Variants in ATAD2 observed in about 807,000 individuals in gnomAD.
ATAD2 encodes the protein ATPase family AAA domain containing 2, also known as ATPase family AAA domain-containing protein 2.
A neutral mutation model predicts 168.9 loss-of-function variants in ATAD2; 62 were observed. The observed-to-expected ratio is 0.37, with a 90% confidence interval of 0.30 to 0.45. ATAD2 has a LOEUF of 0.45. Among genes scored for constraint, ATAD2 ranks in the 20% least tolerant of loss-of-function variants. The pLI, the probability that ATAD2 is intolerant of heterozygous loss-of-function variation, is 1.00. For missense variants in ATAD2, 1,419 were observed against 1,667.8 expected, an observed-to-expected ratio of 0.85 and a Z score of 2.60; for synonymous variants, 613 against 571.6, an observed-to-expected ratio of 1.07 and a Z score of -1.03.
intron 19 of ATAD2, among the ~76,000 whole-genome samples, chr8:123,344,344 CTTT>C (rs764379399): frequency 1.6e-5 from 2 of 125,854 alleles, no homozygotes. Flanking sequence ...TTTTTAAATA[CTTT>C]TTTTTTTTTT....
At chr8:123,349,540 A>C in intron 13 of ATAD2, 96 bp from the exon 14 acceptor site, 1 of 1,208,234 alleles carries the variant, frequency 8.3e-7, no homozygotes, top group East Asian at 2.7e-5. Flanking sequence ...AACGCATTAC[A>C]TGTGAATAAA....
At position 123,323,013 on chromosome 8, in the gene ATAD2, C is replaced by A; in HGVS notation, c.4056G>T (p.Leu1352Phe). 3 of 1,612,404 alleles carry A rather than the reference C, an allele frequency of 1.9e-6. No individual in the cohort carries two copies. Among genetic ancestry groups the A allele is most frequent in the Non-Finnish European group, 2.5e-6 (3 of 1,178,634 alleles). ...KKSQNYNIFQ[L>F]ENLYAVISQC... Reference sequence around the variant, plus strand: ...GGCTGATTACTGCATACAAATTTTCCAACTGAAATATGTTGTAGTTTTGAC... The same window carrying A: ...GGCTGATTACTGCATACAAATTTTCAAACTGAAATATGTTGTAGTTTTGAC... The change falls in exon 27 of 28, where the codon TTG becomes TTT. Residue 1352 changes from leucine (L) to phenylalanine (F), a missense_variant. This residue lies in a region of ATAD2 where 303 missense variants were observed against 304.3 expected (regional missense o/e 1.00). Coordinates refer to ENST00000287394, the MANE Select transcript of ATAD2 (RefSeq NM_014109.4).
Position 123,371,827 on chromosome 8 carries a change from T to C in ATAD2, c.379A>G (p.Ile127Val), listed in dbSNP as rs755514405. The change falls in exon 4 of 28, where the codon ATT (isoleucine) becomes GTT (valine). Residue 127 changes from isoleucine to valine, a missense_variant. This residue lies in a region of ATAD2 where 419 missense variants were observed against 423.5 expected (regional missense o/e 0.99). Coordinates refer to ENST00000287394, the MANE Select transcript of ATAD2 (RefSeq NM_014109.4). The stretch of plus-strand genomic sequence containing the variant: ...GCCCTCAATGACCGAGTAACTGGAA[T>C]CACTTTGTCTTCACAAATGCATACA... ...KKEEHREDKV[I>V]PVTRSLRARN... 9 of 1,596,178 alleles carry C rather than the reference T, an allele frequency of 5.6e-6. No homozygotes were observed. In the East Asian group the frequency reaches 1.3e-4, roughly 24 times the overall value.
chr8:123,340,598 C>T (rs978731723), intron 19 of ATAD2, among the ~76,000 whole-genome samples: 8 of 151,990 alleles, frequency 5.3e-5, no homozygotes, highest in African/African-American at 1.5e-4. Flanking sequence ...ATACAAAATG[C>T]GGTATATACA....
At chr8:123,371,428 G>T in intron 4 of ATAD2, 90 bp from the exon 5 acceptor site, 1 of 1,041,330 alleles carries the variant, frequency 9.6e-7, no homozygotes, top group Non-Finnish European at 1.4e-6. Context: ...CAAACTTTTG[G>T]CACTAAGGTT....
At chr8:123,404,455 C>T (rs7004120) in intron 1 of ATAD2, among the ~76,000 whole-genome samples, 1 of 151,946 alleles carries the variant, frequency 6.6e-6, no homozygotes, top group Non-Finnish European at 1.5e-5. Context: ...TGACAACCTT[C>T]GGAGTTTCTT....
At chr8:123,350,602 T>C (rs1410492691) in intron 13 of ATAD2, among the ~76,000 whole-genome samples, 1 of 152,192 alleles carries the variant, frequency 6.6e-6, no homozygotes, top group East Asian at 1.9e-4. Flanking sequence ...AACTGGGTCG[T>C]TTGGCTTGTA....
intron 1 of ATAD2, among the ~76,000 whole-genome samples, chr8:123,413,922 C>T (rs939237508): frequency 5.9e-5 from 9 of 151,448 alleles, no homozygotes; most frequent in Non-Finnish European, 8.8e-5. Context: ...GTGGCCGAGG[C>T]GGGCAGATCA....
intron 25 of ATAD2, 104 bp from the exon 26 acceptor site, chr8:123,326,130 C>T (rs1219802215): frequency 4.1e-6 from 5 of 1,216,860 alleles, no homozygotes; most frequent in Non-Finnish European, 5.7e-6. Context: ...TTACTAAGGA[C>T]ATAAACAGCA....
intron 1 of ATAD2, among the ~76,000 whole-genome samples, chr8:123,408,550 C>T (rs574906490): frequency 6.6e-6 from 1 of 152,220 alleles, no homozygotes; most frequent in South Asian, 2.1e-4. Context: ...GAGTTTCACT[C>T]TTGTCGCCCA....
At chr8:123,357,816 G>A (rs952405510) in intron 11 of ATAD2, 80 bp from the exon 12 acceptor site, 1 of 1,316,348 alleles carries the variant, frequency 7.6e-7, no homozygotes, top group East Asian at 2.5e-5. Context: ...CCAATTTCAT[G>A]ATTCATTTAA....
intron 1 of ATAD2, among the ~76,000 whole-genome samples, chr8:123,386,032 A>C (rs1829638785): frequency 6.6e-6 from 1 of 152,102 alleles, no homozygotes; most frequent in African/African-American, 2.4e-5. Flanking sequence ...AAAAAAAAAA[A>C]AAAGGAGAAA....
chr8:123,325,819 G>C, intron 26 of ATAD2, 74 bp downstream of exon 26: 1 of 1,537,508 alleles, frequency 6.5e-7, no homozygotes, highest in Non-Finnish European at 8.9e-7. Flanking sequence ...TAGCCAGAAT[G>C]CTACTAGTCA....
rs553277102 is a variant in ATAD2 at position 123,402,408 on chromosome 8, C to T, written c.-2281-1233G>A. ...CAGCCTGCTGCAGCCTGGCCCCCACCCCAGGGGCAGGCAGCCCCTCCTGGC... is the reference window on the plus strand; with the variant it reads ...CAGCCTGCTGCAGCCTGGCCCCCACTCCAGGGGCAGGCAGCCCCTCCTGGC... On this transcript the variant is annotated intron_variant, in intron 1 of 28. Transcript: ENST00000521903. This position sits in a 1 kb window ranked among gnomAD's most constrained non-coding sequence, Gnocchi z 4.8. Among the ~76,000 whole-genome samples, 1 of 152,232 alleles carries T rather than the reference C, an allele frequency of 6.6e-6. No individual in the cohort carries two copies. Among genetic ancestry groups the T allele is most frequent in the Non-Finnish European group, 1.5e-5 (1 of 67,970 alleles).
intron 13 of ATAD2, among the ~76,000 whole-genome samples, chr8:123,354,536 T>C (rs144189251): frequency 6.6e-6 from 1 of 151,924 alleles, no homozygotes; most frequent in Non-Finnish European, 1.5e-5. Flanking sequence ...CGAAACCCAG[T>C]GTCTGCTAAA....
At chr8:123,357,229 G>A (rs948410762) in intron 12 of ATAD2, among the ~76,000 whole-genome samples, 1 of 152,108 alleles carries the variant, frequency 6.6e-6, no homozygotes, top group Non-Finnish European at 1.5e-5. Flanking sequence ...AATGAAAGCC[G>A]CTCCAGGGCA....
intron 22 of ATAD2, 54 bp from the exon 23 acceptor site, chr8:123,334,376 C>G: frequency 7.1e-7 from 1 of 1,411,056 alleles, no homozygotes; most frequent in South Asian, 1.7e-5. Context: ...AATAATATAC[C>G]AAAAATAAAC....
At chr8:123,361,298 C>A (rs1189870666) in intron 9 of ATAD2, among the ~76,000 whole-genome samples, 1 of 142,824 alleles carries the variant, frequency 7.0e-6, no homozygotes, top group African/African-American at 2.7e-5. Flanking sequence ...GCCTGGGCAA[C>A]AGAACCAGGC....
At chr8:123,346,528 G>A (rs1828248061) in intron 17 of ATAD2, 90 bp downstream of exon 17, 1 of 1,238,076 alleles carries the variant, frequency 8.1e-7, no homozygotes, top group Non-Finnish European at 1.1e-6. Context: ...AAAGCAGATT[G>A]GTTAGCACTT....
Sources: gnomAD v4.1 joint callset for allele counts (sites outside exome capture counted in the v4.1 genomes callset) on GRCh38, gnomAD v4.1.1 for gene constraint, gnomAD v4.1.1 regional missense constraint, Gnocchi (gnomAD v3.1) non-coding constraint, MANE v1.5 for transcripts, NCBI Gene and HGNC (gene_info 2026-07-23, HGNC 2026-07-21) for gene names.